DLAT: variants seen among roughly 807,000 people sequenced by gnomAD.
DLAT encodes dihydrolipoyllysine-residue acetyltransferase component of pyruvate dehydrogenase complex, mitochondrial.
Under a neutral mutation model 68.0 loss-of-function variants are expected in DLAT, and 43 were observed. The observed-to-expected ratio is 0.63, with a 90% CI of 0.50 to 0.81. The LOEUF (loss-of-function observed/expected upper bound fraction) is 0.81. Ranked by LOEUF, DLAT falls within the 40% of genes least tolerant of loss-of-function variation. The pLI is 0.00. For missense variants in DLAT, 745 were observed against 815.4 expected, an observed-to-expected ratio of 0.91 and a Z score of 1.05; for synonymous variants, 265 against 288.6, an observed-to-expected ratio of 0.92 and a Z score of 0.83.
Position 112,040,669 on chromosome 11 carries a change from A to G in DLAT, c.1129+1272A>G, listed in dbSNP as rs192707630. On this transcript the variant is annotated intron_variant, in intron 7 of 13. Transcript: ENST00000280346. ...TTTGGACCTCAGAGATTCTTGTAAT[A>G]TTGGAAGATTCTTTTTTTTCCATCT... Among the ~76,000 whole-genome samples the G allele has an allele frequency of 1.1e-4, 17 of 152,266 alleles. 3 individuals are homozygous for G. The highest frequency in any genetic ancestry group is 9.8e-4 in the Admixed American group (15 of 15,282).
At chr11:112,059,753 GGATA>G (rs1209338660) in intron 11 of DLAT, 146 bp from the exon 12 acceptor site, 3 of 619,306 alleles carry the variant, frequency 4.8e-6, no homozygotes, top group Non-Finnish European at 8.1e-6. Context: ...GTAAAAATTA[GGATA>G]GACATCTTAA....
chr11:112,043,442 A>T, intron 7 of DLAT, 24 bp from the exon 8 acceptor site: 1 of 1,605,120 alleles, frequency 6.2e-7, no homozygotes, highest in Non-Finnish European at 8.5e-7. Flanking sequence ...GTCATCATGT[A>T]TGTGATATTT....
chr11:112,033,644 G>A, intron 5 of DLAT, 114 bp downstream of exon 5: 3 of 1,213,178 alleles, frequency 2.5e-6, no homozygotes, highest in South Asian at 2.7e-5. Flanking sequence ...ATAATTCTTA[G>A]GATTCATTTT....
chr11:112,046,514 G>T (rs1442415435), intron 10 of DLAT, among the ~76,000 whole-genome samples: 6 of 151,180 alleles, frequency 4.0e-5, no homozygotes, highest in Non-Finnish European at 2.9e-5. Context: ...TGTGCAGAAC[G>T]TGCAGGTTTG....
intron 5 of DLAT, among the ~76,000 whole-genome samples, chr11:112,033,913 T>TG (rs1444878353): frequency 3.9e-5 from 6 of 152,196 alleles, no homozygotes; most frequent in East Asian, 3.9e-4. Flanking sequence ...TTTGTAGAGA[T>TG]GGGGTCTCAC....
chr11:112,027,188 C>T (rs1171427211), intron 2 of DLAT, among the ~76,000 whole-genome samples: 2 of 147,146 alleles, frequency 1.4e-5, no homozygotes, highest in African/African-American at 2.5e-5. Flanking sequence ...TCAGACGGGG[C>T]GGTTGCCAGG....
chr11:112,034,544 G>T (rs587688943), intron 5 of DLAT, among the ~76,000 whole-genome samples: 2 of 151,720 alleles, frequency 1.3e-5, no homozygotes, highest in East Asian at 3.9e-4. Context: ...CTGGGTTCAC[G>T]CCATTCTCCT....
chr11:112,064,203 C>T lies in DLAT; in HGVS notation c.*1668C>T, dbSNP rs1555183611. The stretch of plus-strand genomic sequence containing the variant: ...AAAGATAATTCATCTTTCGCTAATG[C>T]TTGTGGTTCTGTTGTTCCCTTGAAA... On this transcript the variant is annotated 3_prime_UTR_variant, in exon 14 of 14. Coordinates refer to ENST00000280346, the MANE Select transcript of DLAT (RefSeq NM_001931.5). 6 of 1,568,840 alleles carry T rather than the reference C, an allele frequency of 3.8e-6. No homozygotes were observed. Among genetic ancestry groups the T allele is most frequent in the Non-Finnish European group, 3.5e-6 (4 of 1,157,808 alleles).
At chr11:112,036,314 A>G (rs1862773560) in intron 5 of DLAT, among the ~76,000 whole-genome samples, 1 of 142,284 alleles carries the variant, frequency 7.0e-6, no homozygotes, top group Admixed American at 7.6e-5. Flanking sequence ...CCTGGGTTCA[A>G]GTGATTTTCT....
intron 5 of DLAT, among the ~76,000 whole-genome samples, chr11:112,033,911 G>T (rs1165144439): frequency 6.6e-6 from 1 of 152,156 alleles, no homozygotes; most frequent in Non-Finnish European, 1.5e-5. Context: ...TTTTTGTAGA[G>T]ATGGGGTCTC....
intron 7 of DLAT, among the ~76,000 whole-genome samples, chr11:112,043,162 A>G (rs1566623882): frequency 6.6e-6 from 1 of 152,212 alleles, no homozygotes; most frequent in Admixed American, 6.5e-5. Flanking sequence ...AAGGAAGATG[A>G]AAAAAATTAA....
intron 11 of DLAT, among the ~76,000 whole-genome samples, chr11:112,054,982 T>C (rs1369207736): frequency 6.6e-6 from 1 of 152,146 alleles, no homozygotes; most frequent in African/African-American, 2.4e-5. Flanking sequence ...ACTCAGATAA[T>C]ATAGGATGAT....
intron 8 of DLAT, among the ~76,000 whole-genome samples, chr11:112,044,278 T>C (rs1863195942): frequency 6.6e-6 from 1 of 152,110 alleles, no homozygotes; most frequent in African/African-American, 2.4e-5. Flanking sequence ...CATTGCAACC[T>C]CTGCCTCCTG....
chr11:112,030,861 G>A (rs782010069), intron 4 of DLAT, among the ~76,000 whole-genome samples: 1 of 152,122 alleles, frequency 6.6e-6, no homozygotes, highest in South Asian at 2.1e-4. Flanking sequence ...CTACTCCATG[G>A]TCTGTTAGTA....
At chr11:112,049,600 G>T (rs1555181799) in intron 10 of DLAT, among the ~76,000 whole-genome samples, 2 of 150,460 alleles carry the variant, frequency 1.3e-5, no homozygotes, top group African/African-American at 4.9e-5. Context: ...GACTAGTCAG[G>T]TATACTAGTG....
At chr11:112,030,660 G>A (rs941852009) in intron 4 of DLAT, among the ~76,000 whole-genome samples, 3 of 152,234 alleles carry the variant, frequency 2.0e-5, no homozygotes, top group African/African-American at 7.2e-5. Flanking sequence ...AACTAAATCA[G>A]TTTCTAAGAA....
Position 112,037,476 on chromosome 11 carries a change from G to T in DLAT, c.975+16G>T, listed in dbSNP as rs539991. ...CCCACCCCCGGTAGGTATGCTTCTA[G>T]AATTCAGGAAACACTTACCTTGTTC... On this transcript the variant is annotated intron_variant, in intron 6 of 13. Coordinates refer to ENST00000280346, the MANE Select transcript of DLAT (RefSeq NM_001931.5). 0.011 allele frequency: 18,395 copies of T among 1,613,092 alleles called. 1,716 individuals are homozygous for T. In the African/African-American group the frequency reaches 0.21, roughly 18 times the overall value.
At chr11:112,061,456 G>T in intron 13 of DLAT, 1 of 372,204 alleles carries the variant, frequency 2.7e-6, no homozygotes, top group Non-Finnish European at 4.9e-6. Context: ...TGTGCTTACT[G>T]GAAATTTGTG....
intron 11 of DLAT, among the ~76,000 whole-genome samples, chr11:112,055,313 G>A (rs1166321494): frequency 3.7e-5 from 5 of 136,844 alleles, no homozygotes; most frequent in African/African-American, 5.3e-5. Context: ...GCGCAATCTC[G>A]GCTCACTGCA....
Sources: gnomAD v4.1 joint callset for allele counts (sites outside exome capture counted in the v4.1 genomes callset) on GRCh38, gnomAD v4.1.1 for gene constraint, MANE v1.5 for transcripts, NCBI Gene and HGNC (gene_info 2026-07-23, HGNC 2026-07-21) for gene names.